The following LRRC37B variants were observed in gnomAD, a reference collection of about 807,000 sequenced individuals.
The protein encoded by LRRC37B is leucine-rich repeat-containing protein 37B.
A neutral mutation model predicts 98.3 loss-of-function variants in LRRC37B; 28 were observed. The observed-to-expected ratio is 0.28, with a 90% CI of 0.21 to 0.39. LRRC37B has a LOEUF of 0.39. Ranked by LOEUF, LRRC37B falls within the 10% of genes least tolerant of loss-of-function variation. LRRC37B has a pLI of 1.00. For synonymous variants in LRRC37B, 364 were observed against 442.7 expected (o/e 0.82, Z 2.23); for missense variants, 938 against 1,182.7 (o/e 0.79, Z 3.03).
intron 4 of LRRC37B, among the ~76,000 whole-genome samples, chr17:32,031,110 A>G (rs1911095718): frequency 6.6e-6 from 1 of 151,904 alleles, no homozygotes. Context: ...CAAAATGTCG[A>G]TGGTACTGAA....
At chr17:32,026,504 C>A (rs1910956826) in intron 2 of LRRC37B, among the ~76,000 whole-genome samples, 1 of 152,212 alleles carries the variant, frequency 6.6e-6, no homozygotes. Context: ...TCTTGGCTCA[C>A]TGCAAGTTCC....
intron 3 of LRRC37B, chr17:32,028,999 T>C (rs1911036442): frequency 6.6e-6 from 1 of 151,978 alleles, no homozygotes; most frequent in Non-Finnish European, 1.5e-5. Context: ...ATTTATTTAT[T>C]TTTATTTATT....
chr17:32,053,229 TGATA>T, intron 11 of LRRC37B, 33 bp from the exon 15 acceptor site: 1 of 1,464,608 alleles, frequency 6.8e-7, no homozygotes, highest in Non-Finnish European at 9.5e-7. Flanking sequence ...GTGGTTGTTG[TGATA>T]GATAACCTTA....
upstream of LRRC37B, chr17:32,020,811 G>T: frequency 1.4e-6 from 1 of 695,848 alleles, no homozygotes; most frequent in Non-Finnish European, 2.2e-6. Context: ...CAGGTCCCGT[G>T]ACTTCCTTGG....
upstream of LRRC37B, among the ~76,000 whole-genome samples, chr17:32,020,253 A>G (rs1056357929): frequency 5.3e-5 from 8 of 152,216 alleles, no homozygotes; most frequent in Admixed American, 5.2e-4. Flanking sequence ...CCAGACAGTA[A>G]TAAAATAGGT....
At chr17:32,026,578 G>A (rs1221209136) in intron 2 of LRRC37B, among the ~76,000 whole-genome samples, 3 of 152,112 alleles carry the variant, frequency 2.0e-5, no homozygotes, top group Admixed American at 6.5e-5. Flanking sequence ...ACAGGTGCCC[G>A]CCACCATGCC....
chr17:32,007,574 A>G (rs1567845243), upstream of LRRC37B, among the ~76,000 whole-genome samples: 1 of 145,856 alleles, frequency 6.9e-6, no homozygotes, highest in African/African-American at 2.5e-5. This position sits in a 1 kb window ranked among gnomAD's most constrained non-coding sequence, Gnocchi z 4.1. Flanking sequence ...CCTCCCCGTC[A>G]GCTTTCCCTT....
intron 7 of LRRC37B, among the ~76,000 whole-genome samples, chr17:32,044,783 G>C (rs1911529817): frequency 6.6e-6 from 1 of 152,152 alleles, no homozygotes; most frequent in Admixed American, 6.5e-5. Context: ...CCATCTATCT[G>C]GGGGGCTGAA....
At chr17:32,011,586 C>T (rs1260194854) in intron 1 of LRRC37B, among the ~76,000 whole-genome samples, 2 of 152,040 alleles carry the variant, frequency 1.3e-5, no homozygotes, top group Admixed American at 6.6e-5. Context: ...CAGCCTCCAC[C>T]TCCTGGGTTG....
At chr17:32,027,400 T>G (rs1238300477) in intron 2 of LRRC37B, among the ~76,000 whole-genome samples, 1 of 151,490 alleles carries the variant, frequency 6.6e-6, no homozygotes, top group Non-Finnish European at 1.5e-5. Context: ...TGCATGTGTG[T>G]GTGTGCTTGC....
chr17:32,037,224 A>G (rs1029753465), intron 7 of LRRC37B, among the ~76,000 whole-genome samples: 8 of 151,896 alleles, frequency 5.3e-5, no homozygotes, highest in African/African-American at 1.9e-4. Context: ...CAATGGATCC[A>G]CACCCCCTGG....
rs530530479 is a variant in LRRC37B at position 32,008,918 on chromosome 17, G to GT, written c.-191+792dup. Among the ~76,000 whole-genome samples the GT allele has an allele frequency of 9.0e-4, 137 of 152,298 alleles. 1 individual carries two copies. Among genetic ancestry groups the GT allele is most frequent in the Non-Finnish European group, 6.9e-4 (47 of 68,016 alleles). On this transcript the variant is annotated intron_variant, in intron 1 of 14. Transcript: ENST00000543378. The stretch of plus-strand genomic sequence containing the variant: ...AAGCTGCCCCAAACATTTCCATCAT[G>GT]TTTTTTGTATGAACGCAGACTTGTT...
At chr17:32,049,153 A>T (rs758574533) in exon 10 of LRRC37B, 28 of 1,613,734 alleles carry the variant, frequency 1.7e-5, no homozygotes, top group Non-Finnish European at 2.3e-5. Context: ...CTCATCCCCA[A>T]CGAGGATGTG....
intron 1 of LRRC37B, 101 bp downstream of exon 4, chr17:32,022,926 T>C: frequency 2.7e-6 from 3 of 1,124,494 alleles, no homozygotes; most frequent in Non-Finnish European, 3.9e-6. Flanking sequence ...CAAGCCATAC[T>C]GACAAGTGAC....
At chr17:32,024,200 A>G (rs1910881034) in intron 1 of LRRC37B, among the ~76,000 whole-genome samples, 2 of 152,010 alleles carry the variant, frequency 1.3e-5, no homozygotes, top group Non-Finnish European at 2.9e-5. Flanking sequence ...AAGGTCTAGC[A>G]AAATGTAGGA....
At chr17:32,049,691 AC>A (rs1219697934) in intron 10 of LRRC37B, among the ~76,000 whole-genome samples, 1 of 152,098 alleles carries the variant, frequency 6.6e-6, no homozygotes, top group African/African-American at 2.4e-5. Flanking sequence ...ACGTAGTGAA[AC>A]CCCGTCTTCA....
chr17:32,023,865 G>A (rs1910872710), intron 1 of LRRC37B, among the ~76,000 whole-genome samples: 6 of 152,244 alleles, frequency 3.9e-5, no homozygotes, highest in Middle Eastern at 3.4e-3. Flanking sequence ...TAAAAAGGGC[G>A]GTGTATATAA....
At chr17:32,026,676 G>T (rs1022031007) in intron 2 of LRRC37B, among the ~76,000 whole-genome samples, 3 of 152,178 alleles carry the variant, frequency 2.0e-5, no homozygotes, top group African/African-American at 7.2e-5. Flanking sequence ...TGATTCATGT[G>T]CCTTGGCTTT....
chr17:32,023,110 G>A (rs1392057948), intron 1 of LRRC37B, among the ~76,000 whole-genome samples: 2 of 146,966 alleles, frequency 1.4e-5, no homozygotes, highest in Admixed American at 6.9e-5. Context: ...TCCTATTTTC[G>A]CTTCACCCTC....
Sources: allele counts gnomAD v4.1 joint callset (sites outside exome capture counted in the v4.1 genomes callset), GRCh38; gene constraint gnomAD v4.1.1; non-coding constraint Gnocchi (gnomAD v3.1); transcripts MANE v1.5; gene names NCBI Gene and HGNC (gene_info 2026-07-23, HGNC 2026-07-21).